The following PTF1A variants were observed in gnomAD, a reference collection of about 807,000 sequenced individuals.
PTF1A encodes the protein pancreas associated transcription factor 1a.
A neutral mutation model predicts 22.6 loss-of-function variants in PTF1A; 18 were observed. The ratio of observed to expected loss-of-function variants is 0.80; its 90% CI spans 0.55 to 1.18. The LOEUF is 1.18. Among genes scored for constraint, PTF1A ranks in the 50% most tolerant of loss-of-function variants. The pLI is 0.00. For synonymous variants in PTF1A, 259 were observed against 227.9 expected (o/e 1.14, Z -1.23); for missense variants, 477 against 473.0 (o/e 1.01, Z -0.08).
intron 1 of PTF1A, 93 bp downstream of exon 1, chr10:23,193,407 G>A: frequency 4.0e-6 from 5 of 1,242,604 alleles, no homozygotes; most frequent in African/African-American, 1.5e-5. Context: ...GCAGACAGTC[G>A]GACCGACGGA....
rs575648203 is a variant in PTF1A at position 23,192,416 on chromosome 10, G to T, written c.-115G>T. The T allele has an allele frequency of 3.1e-4, 442 of 1,435,462 alleles. 4 individuals are homozygous for T. In the African/African-American group the frequency reaches 4.7e-3, roughly 15 times the overall value. 88.9% of individuals were successfully genotyped at this position (1,435,462 alleles called of 1,614,324 possible). On this transcript the variant is annotated 5_prime_UTR_variant, in exon 1 of 2. Coordinates refer to ENST00000376504, the MANE Select transcript of PTF1A (RefSeq NM_178161.3). ...CCCGGGGGCGGGCAGCCCGGCGGCC[G>T]CCTAGCTGCCCCCAGCCAGGGCCCC...
Position 23,193,037 on chromosome 10 carries a change from C to A in PTF1A, c.507C>A (p.Asn169Lys). 4 of 1,306,438 alleles carry A rather than the reference C, an allele frequency of 3.1e-6. No individual in the cohort carries two copies. The highest frequency in any genetic ancestry group is 3.9e-6 in the Non-Finnish European group (4 of 1,015,016). 80.9% of individuals were successfully genotyped at this position (1,306,438 alleles called of 1,614,324 possible). A position where few individuals can be genotyped will look rare whatever the true frequency, so the allele number is the denominator to read the frequency against. ...TGCAGCAGCTGCGGCAGGCGGCCAA[C>A]GTGCGCGAGCGGCGGCGCATGCAGT... The part of the protein sequence containing the change: ...AELQQLRQAA[N>K]VRERRRMQSI... The change falls in exon 1 of 2, where the codon AAC (asparagine) becomes AAA (lysine). Residue 169 changes from asparagine to lysine, a missense_variant. Asn to Lys is a moderately conservative substitution (Grantham distance 94). Coordinates refer to ENST00000376504, the MANE Select transcript of PTF1A (RefSeq NM_178161.3).
rs142955321 is a variant in PTF1A at position 23,192,716 on chromosome 10, C to T, written c.186C>T (p.Tyr62=). The change falls in exon 1 of 2, where the codon TAC becomes TAT. Residue 62 remains tyrosine, a synonymous_variant. Transcript: ENST00000376504. ...FLSHQLHEYC[Y]RDGACLLLQP... ...GCCACCAGCTCCACGAGTACTGCTA[C>T]CGCGACGGGGCGTGCCTGCTGCTGC... 3.2e-6 allele frequency: 5 copies of T among 1,556,746 alleles called. No individual in the cohort carries two copies. The highest frequency in any genetic ancestry group is 4.3e-6 in the Non-Finnish European group (5 of 1,156,910).
rs1397588373 is a variant in PTF1A, at chr10:23,193,081, A to T, written c.551A>T (p.Glu184Val). Residue 184 changes from glutamate to valine, a missense_variant, in exon 1 of 2, where the codon GAG becomes GTG. Glu to Val is a moderately radical substitution (Grantham distance 121, BLOSUM62 -2). Coordinates refer to ENST00000376504, the MANE Select transcript of PTF1A (RefSeq NM_178161.3). ...ATGCAGTCCATCAACGACGCCTTCG[A>T]GGGGCTGCGCTCGCACATCCCCACG... ...RRMQSINDAFEGLRSHIPTLP... is the reference protein window; with the variant it reads ...RRMQSINDAFVGLRSHIPTLP... The T allele has an allele frequency of 2.1e-6, 3 of 1,408,600 alleles. No homozygotes were observed. Among genetic ancestry groups the T allele is most frequent in the Non-Finnish European group, 2.8e-6 (3 of 1,071,960 alleles). 87.3% of individuals were successfully genotyped at this position (1,408,600 alleles called of 1,614,324 possible).
At position 23,192,635 on chromosome 10, in the gene PTF1A, C is replaced by A. The variant is rs778522883; in HGVS notation, c.105C>A (p.Pro35=). 5 of 1,602,078 alleles carry A rather than the reference C, an allele frequency of 3.1e-6. No homozygotes were observed. The South Asian group carries it at 5.6e-5, about 18-fold the overall frequency. The stretch of plus-strand genomic sequence containing the variant: ...TCACCGACCAGTCTTCACGGGACCC[C>A]CTGGAGGACGGCGATGAGCTGCTGG... ...DFFTDQSSRD[P]LEDGDELLAD... The change falls in exon 1 of 2, where the codon CCC becomes CCA. Residue 35 remains proline (P), a synonymous_variant. Coordinates refer to ENST00000376504, the MANE Select transcript of PTF1A (RefSeq NM_178161.3).
At position 23,193,077 on chromosome 10, in the gene PTF1A, T is replaced by C; in HGVS notation, c.547T>C (p.Phe183Leu). Residue 183 changes from phenylalanine to leucine, a missense_variant, in exon 1 of 2, where the codon TTC becomes CTC. Transcript: ENST00000376504. Reference sequence around the variant, plus strand: ...GCGCATGCAGTCCATCAACGACGCCTTCGAGGGGCTGCGCTCGCACATCCC... The same window carrying C: ...GCGCATGCAGTCCATCAACGACGCCCTCGAGGGGCTGCGCTCGCACATCCC... The part of the protein sequence containing the change: ...RRRMQSINDA[F>L]EGLRSHIPTL... 7.1e-7 allele frequency: 1 copy of C among 1,405,956 alleles called. No individual in the cohort carries two copies. Among genetic ancestry groups the C allele is most frequent in the Non-Finnish European group, 9.3e-7 (1 of 1,070,264 alleles). The allele number at this position is 1,405,956 out of a possible 1,614,324, so 87.1% of individuals were successfully genotyped here. A position where few individuals can be genotyped will look rare whatever the true frequency, so the allele number is the denominator to read the frequency against.
Position 23,193,936 on chromosome 10 carries a change from T to G in PTF1A, c.*30T>G. ...TCCCAGACTCGGCTGAAGATCTGAT[T>G]ATGTCTCTGTGCATATTGTACATGT... On this transcript the variant is annotated 3_prime_UTR_variant, in exon 2 of 2. Transcript: ENST00000376504. 1.3e-6 allele frequency: 2 copies of G among 1,502,772 alleles called. No individual in the cohort carries two copies. The highest frequency in any genetic ancestry group is 1.7e-5 in the Admixed American group (1 of 59,892). The allele number at this position is 1,502,772 out of a possible 1,614,324, so 93.1% of individuals were successfully genotyped here. A position where few individuals can be genotyped will look rare whatever the true frequency, so the allele number is the denominator to read the frequency against.
chr10:23,192,730 G>T lies in PTF1A; in HGVS notation c.200G>T (p.Cys67Phe). The change falls in exon 1 of 2, where the codon TGC (cysteine) becomes TTC (phenylalanine). Residue 67 changes from cysteine to phenylalanine, a missense_variant. Transcript: ENST00000376504. ...LHEYCYRDGACLLLQPAPPAA... is the reference protein window; with the variant it reads ...LHEYCYRDGAFLLLQPAPPAA... Reference sequence around the variant, plus strand: ...GAGTACTGCTACCGCGACGGGGCGTGCCTGCTGCTGCAGCCCGCGCCCCCG... The same window carrying T: ...GAGTACTGCTACCGCGACGGGGCGTTCCTGCTGCTGCAGCCCGCGCCCCCG... 6.6e-7 allele frequency: 1 copy of T among 1,512,944 alleles called. No individual in the cohort carries two copies. Among genetic ancestry groups the T allele is most frequent in the Non-Finnish European group, 8.8e-7 (1 of 1,135,012 alleles). The allele number at this position is 1,512,944 out of a possible 1,614,324, so 93.7% of individuals were successfully genotyped here. A position where few individuals can be genotyped will look rare whatever the true frequency, so the allele number is the denominator to read the frequency against.
At position 23,192,425 on chromosome 10, in the gene PTF1A, C is replaced by T. The variant is rs1840898892; in HGVS notation, c.-106C>T. The T allele has an allele frequency of 7.4e-6, 11 of 1,493,736 alleles. No homozygotes were observed. Among genetic ancestry groups the T allele is most frequent in the Middle Eastern group, 2.3e-4 (1 of 4,328 alleles). The allele number at this position is 1,493,736 out of a possible 1,614,324, so 92.5% of individuals were successfully genotyped here. ...GGGCAGCCCGGCGGCCGCCTAGCTG[C>T]CCCCAGCCAGGGCCCCGGGAGGGAG... On this transcript the variant is annotated 5_prime_UTR_variant, in exon 1 of 2. Coordinates refer to ENST00000376504, the MANE Select transcript of PTF1A (RefSeq NM_178161.3).
At chr10:23,193,374 G>A in intron 1 of PTF1A, 60 bp downstream of exon 1, 1 of 1,413,078 alleles carries the variant, frequency 7.1e-7, no homozygotes, top group Non-Finnish European at 9.2e-7. Flanking sequence ...GGCTCCGGAG[G>A]GGCTGGGGGA....
intron 1 of PTF1A, 152 bp downstream of exon 1, chr10:23,193,466 T>TTG: frequency 1.4e-6 from 1 of 706,554 alleles, no homozygotes; most frequent in South Asian, 2.6e-5. Context: ...GTTTCTCGTT[T>TTG]TTTTTTTTTT....
At position 23,193,131 on chromosome 10, in the gene PTF1A, A is replaced by G; in HGVS notation, c.601A>G (p.Lys201Glu). 1.4e-6 allele frequency: 2 copies of G among 1,444,814 alleles called. No homozygotes were observed. The highest frequency in any genetic ancestry group is 1.8e-6 in the Non-Finnish European group (2 of 1,092,894). The allele number at this position is 1,444,814 out of a possible 1,614,324, so 89.5% of individuals were successfully genotyped here. ...GCTGCCCTACGAGAAGCGCCTCTCC[A>G]AGGTGGACACGCTGCGCCTGGCCAT... ...PTLPYEKRLSKVDTLRLAIGY... is the reference protein window; with the variant it reads ...PTLPYEKRLSEVDTLRLAIGY... The change falls in exon 1 of 2, where the codon AAG (lysine) becomes GAG (glutamate). Residue 201 changes from lysine (K) to glutamate (E), a missense_variant. By Grantham distance (56) the Lys-to-Glu change is moderately conservative. Coordinates refer to ENST00000376504, the MANE Select transcript of PTF1A (RefSeq NM_178161.3).
At position 23,194,157 on chromosome 10, in the gene PTF1A, G is replaced by T; in HGVS notation, c.*251G>T. On this transcript the variant is annotated 3_prime_UTR_variant, in exon 2 of 2. Coordinates refer to ENST00000376504, the MANE Select transcript of PTF1A (RefSeq NM_178161.3). ...GATTTTCCTGAACTCTGTGTTGTTG[G>T]GAGAACTCTGGCCAGAAAACGTCCT... 2.3e-6 allele frequency: 1 copy of T among 428,954 alleles called. No homozygotes were observed. Among genetic ancestry groups the T allele is most frequent in the Middle Eastern group, 6.5e-4 (1 of 1,546 alleles). 26.6% of individuals were successfully genotyped at this position (428,954 alleles called of 1,614,324 possible).
At position 23,192,740 on chromosome 10, in the gene PTF1A, G is replaced by A. The variant is rs1840907980; in HGVS notation, c.210G>A (p.Leu70=). The A allele has an allele frequency of 3.4e-6, 5 of 1,474,234 alleles. No homozygotes were observed. Among genetic ancestry groups the A allele is most frequent in the Non-Finnish European group, 4.5e-6 (5 of 1,114,402 alleles). 91.3% of individuals were successfully genotyped at this position (1,474,234 alleles called of 1,614,324 possible). A position where few individuals can be genotyped will look rare whatever the true frequency, so the allele number is the denominator to read the frequency against. The change falls in exon 1 of 2, where the codon CTG becomes CTA. Residue 70 remains leucine (L), a synonymous_variant. Coordinates refer to ENST00000376504, the MANE Select transcript of PTF1A (RefSeq NM_178161.3). ...YCYRDGACLL[L]QPAPPAAPLA... is the part of the protein sequence containing the mutation. Reference sequence around the variant, plus strand: ...ACCGCGACGGGGCGTGCCTGCTGCTGCAGCCCGCGCCCCCGGCCGCCCCGC... The same window carrying A: ...ACCGCGACGGGGCGTGCCTGCTGCTACAGCCCGCGCCCCCGGCCGCCCCGC...
rs921761514 is a variant in PTF1A, at chr10:23,192,959, AGCGGCGGCT to A, written c.438_446del (p.Ala147_Ala149del). On this transcript the variant is annotated inframe_deletion, in exon 1 of 2. Coordinates refer to ENST00000376504, the MANE Select transcript of PTF1A (RefSeq NM_178161.3). ...GGGCGCGGCTGCGCGGCCTGAGCGG[AGCGGCGGCT>A]GCGGCGGCGCGGCGCCGGCGGCGGG... The A allele has an allele frequency of 2.3e-5, 27 of 1,153,572 alleles. No individual in the cohort carries two copies. Among genetic ancestry groups the A allele is most frequent in the African/African-American group, 6.6e-5 (4 of 60,752 alleles). 71.5% of individuals were successfully genotyped at this position (1,153,572 alleles called of 1,614,324 possible).
In PTF1A at chr10:23,193,113, T is replaced by C; in HGVS notation, c.583T>C (p.Tyr195His). 3 of 1,445,432 alleles carry C rather than the reference T, an allele frequency of 2.1e-6. No individual in the cohort carries two copies. Among genetic ancestry groups the C allele is most frequent in the Non-Finnish European group, 1.8e-6 (2 of 1,093,200 alleles). 89.5% of individuals were successfully genotyped at this position (1,445,432 alleles called of 1,614,324 possible). Reference protein sequence around the residue: ...GLRSHIPTLPYEKRLSKVDTL... With the variant: ...GLRSHIPTLPHEKRLSKVDTL... Reference sequence around the variant, plus strand: ...GCGCTCGCACATCCCCACGCTGCCCTACGAGAAGCGCCTCTCCAAGGTGGA... The same window carrying C: ...GCGCTCGCACATCCCCACGCTGCCCCACGAGAAGCGCCTCTCCAAGGTGGA... Residue 195 changes from tyrosine to histidine, a missense_variant, in exon 1 of 2, where the codon TAC (tyrosine) becomes CAC (histidine). Transcript: ENST00000376504.
rs776882560 is a variant in PTF1A, at chr10:23,193,727, G to C, written c.808G>C (p.Asp270His). 5.6e-6 allele frequency: 9 copies of C among 1,613,018 alleles called. No homozygotes were observed. In the East Asian group the frequency reaches 2.0e-4, roughly 36 times the overall value. Reference protein sequence around the residue: ...GTRSPSPSDPDYGLPPLAGHS... With the variant: ...GTRSPSPSDPHYGLPPLAGHS... ...AGGGTCCCCCTCCCCCAGCGACCCTGATTATGGCCTCCCTCCCCTAGCAGG... is the reference window on the plus strand; with the variant it reads ...AGGGTCCCCCTCCCCCAGCGACCCTCATTATGGCCTCCCTCCCCTAGCAGG... The change falls in exon 2 of 2, where the codon GAT becomes CAT. Residue 270 changes from aspartate (D) to histidine (H), a missense_variant. Transcript: ENST00000376504.
At position 23,192,336 on chromosome 10, in the gene PTF1A, C is replaced by CCAGCG. The variant is rs1432128066; in HGVS notation, c.-188_-184dup. The CCAGCG allele has an allele frequency of 1.2e-5, 6 of 516,286 alleles. No individual in the cohort carries two copies. The highest frequency in any genetic ancestry group is 6.1e-5 in the African/African-American group (3 of 49,054). 32.0% of individuals were successfully genotyped at this position (516,286 alleles called of 1,614,324 possible). On this transcript the variant is annotated 5_prime_UTR_variant, in exon 1 of 2. Coordinates refer to ENST00000376504, the MANE Select transcript of PTF1A (RefSeq NM_178161.3). The stretch of plus-strand genomic sequence containing the variant: ...TCCAGGAAGTCCGCCACAGCCCTCC[C>CCAGCG]CAGCGCAGCGCGAGCGCGGGCCAGA...
At position 23,192,389 on chromosome 10, in the gene PTF1A, G is replaced by GGCCCGGGGGCGGGCA; in HGVS notation, c.-135_-121dup. The GGCCCGGGGGCGGGCA allele has an allele frequency of 8.6e-7, 1 of 1,161,478 alleles. No individual in the cohort carries two copies. The highest frequency in any genetic ancestry group is 1.2e-6 in the Non-Finnish European group (1 of 853,978). 71.9% of individuals were successfully genotyped at this position (1,161,478 alleles called of 1,614,324 possible). On this transcript the variant is annotated 5_prime_UTR_variant, in exon 1 of 2. Coordinates refer to ENST00000376504, the MANE Select transcript of PTF1A (RefSeq NM_178161.3). ...GCAGCGGCCGCGGGCACTCCAGGGA[G>GGCCCGGGGGCGGGCA]GCCCGGGGGCGGGCAGCCCGGCGGC...
Sources: gnomAD v4.1 joint callset for allele counts on GRCh38, gnomAD v4.1.1 for gene constraint, MANE v1.5 for transcripts, NCBI Gene and HGNC (gene_info 2026-07-23, HGNC 2026-07-21) for gene names.